Variants in ACACB observed in about 807,000 individuals in gnomAD.
The protein encoded by ACACB is acetyl-CoA carboxylase beta.
ACACB carries 209 observed loss-of-function variants against 278.8 expected under a neutral mutation model. The observed-to-expected ratio is 0.75, with a 90% CI of 0.67 to 0.84. The LOEUF (loss-of-function observed/expected upper bound fraction) is 0.84, where lower values mean the gene tolerates loss of function less well. Among genes scored for constraint, ACACB ranks in the 40% least tolerant of loss-of-function variants. The probability of loss-of-function intolerance (pLI) is 0.00; values close to 1 mark genes in which losing one functional copy is unlikely to be tolerated. For synonymous variants in ACACB, 1,174 were observed against 1,285.6 expected (o/e 0.91, Z 1.86); for missense variants, 2,850 against 3,269.0 (o/e 0.87, Z 3.13).
intron 1 of ACACB, among the ~76,000 whole-genome samples, chr12:109,132,003 G>A (rs556533242): frequency 6.6e-6 from 1 of 152,112 alleles, no homozygotes; most frequent in Non-Finnish European, 1.5e-5. Context: ...TCATATCTAC[G>A]CACTCCTTGT....
At position 109,260,472 on chromosome 12, in the gene ACACB, C is replaced by T. The variant is rs751072166; in HGVS notation, c.6497-8C>T. Reference sequence around the variant, plus strand: ...GGCCCTGAACTGGGAGGCTGCTTTGCTTTTCAGACATGTATGACCAGGTGC... The same window carrying T: ...GGCCCTGAACTGGGAGGCTGCTTTGTTTTTCAGACATGTATGACCAGGTGC... On this transcript the variant is annotated splice_region_variant and splice_polypyrimidine_tract_variant and intron_variant, in intron 47 of 52. Transcript: ENST00000338432. The T allele has an allele frequency of 4.3e-6, 7 of 1,614,148 alleles. No homozygotes were observed. The highest frequency in any genetic ancestry group is 1.3e-5 in the African/African-American group (1 of 75,060).
At chr12:109,175,908 C>T in intron 7 of ACACB, 23 bp from the exon 8 acceptor site, 1 of 1,604,852 alleles carries the variant, frequency 6.2e-7, no homozygotes, top group Non-Finnish European at 8.5e-7. Context: ...TGGGAGGAAT[C>T]AGGTTTCTTT....
intron 7 of ACACB, among the ~76,000 whole-genome samples, chr12:109,174,655 G>A (rs985213433): frequency 4.0e-5 from 6 of 151,500 alleles, no homozygotes; most frequent in Admixed American, 2.0e-4. Context: ...TTGAAGCCAG[G>A]AGTTCAAGAC....
Position 109,185,698 on chromosome 12 carries a change from C to G in ACACB, c.1938C>G (p.Gly646=). The change falls in exon 12 of 53, where the codon GGC becomes GGG. Residue 646 remains glycine (G), a synonymous_variant. Coordinates refer to ENST00000338432, the MANE Select transcript of ACACB (RefSeq NM_001093.4). ...ETPSNPPLAR[G]HVIAARITSE... is the part of the protein sequence containing the mutation. ...CCTCAAACCCTCCCCTCGCCCGAGG[C>G]CACGTCATTGCCGCCAGAATCACCA... The G allele has an allele frequency of 6.2e-7, 1 of 1,613,038 alleles. No homozygotes were observed. The highest frequency in any genetic ancestry group is 8.5e-7 in the Non-Finnish European group (1 of 1,179,422).
intron 2 of ACACB, among the ~76,000 whole-genome samples, chr12:109,145,265 A>C (rs931851779): frequency 8.5e-5 from 13 of 152,218 alleles, no homozygotes; most frequent in Non-Finnish European, 2.9e-5. Flanking sequence ...GGCTAAGCAC[A>C]GGAGCTCAGC....
intron 24 of ACACB, among the ~76,000 whole-genome samples, chr12:109,218,970 T>G (rs2046086199): frequency 6.6e-6 from 1 of 151,880 alleles, no homozygotes; most frequent in Non-Finnish European, 1.5e-5. Context: ...TTTCACCATG[T>G]TAGCCAGGCT....
intron 11 of ACACB, among the ~76,000 whole-genome samples, chr12:109,180,977 A>G (rs867259339): frequency 1.3e-5 from 2 of 151,766 alleles, no homozygotes; most frequent in Non-Finnish European, 2.9e-5. Context: ...CCATGCCCCT[A>G]CCTCTTCCTT....
At chr12:109,166,830 T>A in intron 2 of ACACB, 31 bp from the exon 3 acceptor site, 3 of 1,613,834 alleles carry the variant, frequency 1.9e-6, no homozygotes, top group Non-Finnish European at 2.5e-6. Flanking sequence ...TCTTCCCTCA[T>A]GCACGTCTGT....
At chr12:109,248,552 A>C (rs1429160754) in intron 40 of ACACB, among the ~76,000 whole-genome samples, 1 of 152,160 alleles carries the variant, frequency 6.6e-6, no homozygotes, top group African/African-American at 2.4e-5. Flanking sequence ...AAGAACCTGG[A>C]GTCTGATGTT....
At chr12:109,113,025 A>G (rs948655947), upstream of ACACB, 1 of 152,214 alleles carries the variant, frequency 6.6e-6, no homozygotes, top group Non-Finnish European at 1.5e-5. Flanking sequence ...TTAGATTTTA[A>G]TATGATTTTC....
At chr12:109,117,047 C>CTTTT (rs71747045) in intron 1 of ACACB, among the ~76,000 whole-genome samples, 13 of 109,068 alleles carry the variant, frequency 1.2e-4, no homozygotes, top group East Asian at 2.6e-4. Flanking sequence ...AATGGTTGTT[C>CTTTT]TTTTTTTTTT....
At chr12:109,210,481 A>G (rs951044716) in intron 21 of ACACB, among the ~76,000 whole-genome samples, 8 of 147,820 alleles carry the variant, frequency 5.4e-5, no homozygotes, top group Non-Finnish European at 1.0e-4. Flanking sequence ...ACATGTGTAT[A>G]TGTGTATATA....
chr12:109,167,621 G>GTATA (rs1216217057), intron 3 of ACACB, among the ~76,000 whole-genome samples: 7,526 of 77,206 alleles, frequency 0.097, 689 homozygotes, highest in African/African-American at 0.2. Flanking sequence ...ATATGTATGT[G>GTATA]TATATATATA....
At chr12:109,200,418 A>G (rs2045296567) in intron 18 of ACACB, among the ~76,000 whole-genome samples, 1 of 152,148 alleles carries the variant, frequency 6.6e-6, no homozygotes. Context: ...ACCTGAGCTC[A>G]GGTGATCCAC....
intron 41 of ACACB, among the ~76,000 whole-genome samples, chr12:109,250,469 A>G (rs747251298): frequency 1.6e-4 from 25 of 152,204 alleles, no homozygotes; most frequent in Non-Finnish European, 3.2e-4. Context: ...AGTTATCTCA[A>G]AATACCCTTT....
At position 109,234,042 on chromosome 12, in the gene ACACB, C is replaced by A; in HGVS notation, c.4344C>A (p.Ser1448=). 1 of 1,607,764 alleles carries A rather than the reference C, an allele frequency of 6.2e-7. No individual in the cohort carries two copies. The highest frequency in any genetic ancestry group is 1.1e-5 in the South Asian group (1 of 90,270). The part of the protein sequence containing the change: ...LVPILRTFVQ[S]KKNILVDYGL... Reference sequence around the variant, plus strand: ...CGATTTTACGGACATTCGTACAGTCCAAGGTACTCTGGGCGTGCCTCTGGT... The same window carrying A: ...CGATTTTACGGACATTCGTACAGTCAAAGGTACTCTGGGCGTGCCTCTGGT... The change falls in exon 31 of 53, where the codon TCC becomes TCA. Residue 1448 remains serine (S), a synonymous_variant. Transcript: ENST00000338432.
intron 28 of ACACB, among the ~76,000 whole-genome samples, chr12:109,228,900 T>C (rs1017621947): frequency 2.0e-5 from 3 of 152,144 alleles, no homozygotes; most frequent in African/African-American, 7.2e-5. Context: ...AACGCTGTTA[T>C]TACCATCTAG....
At chr12:109,153,625 C>A (rs773168799) in intron 2 of ACACB, among the ~76,000 whole-genome samples, 3 of 152,096 alleles carry the variant, frequency 2.0e-5, no homozygotes, top group Non-Finnish European at 4.4e-5. Flanking sequence ...TGTTTTGGTT[C>A]TTTGCATTTA....
chr12:109,236,414 G>A (rs1281015069), intron 33 of ACACB: 5 of 152,382 alleles, frequency 3.3e-5, no homozygotes, highest in Non-Finnish European at 7.3e-5. Context: ...TAGAACAGTG[G>A]TTGGCAAACT....
Sources: allele counts gnomAD v4.1 joint callset (sites outside exome capture counted in the v4.1 genomes callset), GRCh38; gene constraint gnomAD v4.1.1; transcripts MANE v1.5; gene names NCBI Gene and HGNC (gene_info 2026-07-23, HGNC 2026-07-21).